EYS: variants seen among roughly 807,000 people sequenced by gnomAD.
The protein encoded by EYS is EGF-like photoreceptor maintenance factor.
A neutral mutation model predicts 282.1 loss-of-function variants in EYS; 250 were observed. The observed-to-expected ratio is 0.89, with a 90% CI of 0.80 to 0.98. EYS has a LOEUF of 0.98. Ranked by LOEUF, EYS falls within the 50% of genes least tolerant of loss-of-function variation. The pLI is 0.00. For missense variants in EYS, 4,016 were observed against 3,709.0 expected (o/e 1.08, Z -2.15); for synonymous variants, 1,355 against 1,282.9 (o/e 1.06, Z -1.20).
intron 35 of EYS, among the ~76,000 whole-genome samples, chr6:63,913,908 G>C (rs547442467): frequency 7.9e-5 from 12 of 152,204 alleles, no homozygotes; most frequent in African/African-American, 2.6e-4. Context: ...TTCCAACAGC[G>C]TATGCTTCTT....
At chr6:64,420,379 T>G (rs1774192422) in intron 28 of EYS, among the ~76,000 whole-genome samples, 1 of 152,208 alleles carries the variant, frequency 6.6e-6, no homozygotes, top group Non-Finnish European at 1.5e-5. Context: ...GTCTCTGACA[T>G]GCCCTGGAGA....
At chr6:64,336,416 G>A (rs1770852832) in intron 29 of EYS, among the ~76,000 whole-genome samples, 1 of 152,034 alleles carries the variant, frequency 6.6e-6, no homozygotes, top group African/African-American at 2.4e-5. Context: ...TGTCCAACAG[G>A]AAAATGTCAC....
chr6:65,381,292 A>G (rs1765600222), intron 8 of EYS, among the ~76,000 whole-genome samples: 1 of 152,148 alleles, frequency 6.6e-6, no homozygotes, highest in Non-Finnish European at 1.5e-5. Flanking sequence ...AATCATAAAA[A>G]AGAATGAGTT....
chr6:65,166,502 A>C (rs1161119942), intron 12 of EYS, among the ~76,000 whole-genome samples: 1 of 151,144 alleles, frequency 6.6e-6, no homozygotes, highest in African/African-American at 2.4e-5. Flanking sequence ...TTTTGGTATT[A>C]TTTTGTTTAT....
chr6:64,902,220 C>T lies in EYS; in HGVS notation c.2739G>A (p.Arg913=), dbSNP rs77020971. The stretch of plus-strand genomic sequence containing the variant: ...CAGAAAACCCAGGTCTGCAAATACA[C>T]CTTTTAAACAAAAAATTTAGTAACT... The part of the protein sequence containing the change: ...GDCEDMVNNF[R]CICRPGFSGS... The change falls in exon 18 of 43, where the codon AGG becomes AGA. Residue 913 remains arginine (R), a splice_region_variant and synonymous_variant. Coordinates refer to ENST00000503581, the MANE Select transcript of EYS (RefSeq NM_001142800.2). 6,281 of 1,545,122 alleles carry T rather than the reference C, an allele frequency of 4.1e-3. 231 individuals are homozygous for T. The African/African-American group carries it at 0.077, about 19-fold the overall frequency.
chr6:64,206,554 C>A (rs1052272562), intron 31 of EYS, among the ~76,000 whole-genome samples: 5 of 152,030 alleles, frequency 3.3e-5, no homozygotes, highest in Admixed American at 6.6e-5. Context: ...AATTGATTTT[C>A]TTGTCATGAA....
chr6:65,368,933 C>T (rs1023699022), intron 8 of EYS, among the ~76,000 whole-genome samples: 4 of 151,266 alleles, frequency 2.6e-5, no homozygotes, highest in Non-Finnish European at 5.9e-5. Context: ...GGATCATGAT[C>T]GTATGGTATT....
chr6:65,410,950 T>G (rs896866860), intron 5 of EYS, among the ~76,000 whole-genome samples: 1 of 152,042 alleles, frequency 6.6e-6, no homozygotes, highest in Non-Finnish European at 1.5e-5. Context: ...TTTTATATTT[T>G]CATTTTATTT....
intron 26 of EYS, among the ~76,000 whole-genome samples, chr6:64,560,244 T>G (rs1422077181): frequency 6.6e-6 from 1 of 151,902 alleles, no homozygotes; most frequent in South Asian, 2.1e-4. Flanking sequence ...CTAATCCTTA[T>G]GATGTGTAGA....
At chr6:65,329,579 T>C in intron 11 of EYS, 1 of 982,848 alleles carries the variant, frequency 1.0e-6, no homozygotes, top group Non-Finnish European at 1.2e-6. Context: ...TCTTTTTTGC[T>C]TTAAAGGTAA....
intron 26 of EYS, among the ~76,000 whole-genome samples, chr6:64,465,180 T>C (rs557543529): frequency 6.6e-6 from 1 of 152,210 alleles, no homozygotes; most frequent in South Asian, 2.1e-4. Flanking sequence ...TAAATGTTCA[T>C]ACTACCCAAA....
At chr6:64,673,508 A>G (rs181869336) in intron 22 of EYS, among the ~76,000 whole-genome samples, 1 of 152,264 alleles carries the variant, frequency 6.6e-6, no homozygotes, top group East Asian at 1.9e-4. Context: ...TACTGCTGCC[A>G]ACAGCCACAG....
intron 2 of EYS, among the ~76,000 whole-genome samples, chr6:65,544,349 C>T (rs1768304393): frequency 6.6e-6 from 1 of 152,096 alleles, no homozygotes; most frequent in African/African-American, 2.4e-5. Context: ...GTAACTTTGG[C>T]TAAAATTATT....
chr6:64,907,335 C>T (rs553437996), intron 16 of EYS, among the ~76,000 whole-genome samples: 30 of 152,258 alleles, frequency 2.0e-4, no homozygotes, highest in African/African-American at 7.2e-4. Context: ...CAAGTGTGAG[C>T]TATTGTGCCT....
rs1360179237 is a variant in EYS, at chr6:65,575,800, C to CGTTT, written c.-333+63977_-333+63978insAAAC. Among the ~76,000 whole-genome samples the CGTTT allele has an allele frequency of 1.6e-4, 25 of 152,018 alleles. No homozygotes were observed. In the South Asian group the frequency reaches 2.1e-3, roughly 13 times the overall value. Reference sequence around the variant, plus strand: ...CACAGAAATATAAAGGATCTTGAAACCACTTTAAACAATTATACACCAACA... The same window carrying CGTTT: ...CACAGAAATATAAAGGATCTTGAAACGTTTCACTTTAAACAATTATACACCAACA... On this transcript the variant is annotated intron_variant, in intron 2 of 42. Coordinates refer to ENST00000503581, the MANE Select transcript of EYS (RefSeq NM_001142800.2).
chr6:64,677,323 G>A (rs1769723939), intron 22 of EYS, among the ~76,000 whole-genome samples: 1 of 151,782 alleles, frequency 6.6e-6, no homozygotes, highest in Non-Finnish European at 1.5e-5. Flanking sequence ...GAGCTCTACT[G>A]GTTTTTTAAA....
rs1422021116 is a variant in EYS at position 65,001,669 on chromosome 6, GTA to G, written c.2138-3968_2138-3967del. On this transcript the variant is annotated intron_variant, in intron 13 of 42. Transcript: ENST00000503581. ...GGCATCTTGTACCTTCTTCTACCCA[GTA>G]TTTCCGTGTCTTCTGTCTGTATTAC... 1.4e-5 allele frequency among the ~76,000 whole-genome samples: 2 copies of G among 147,980 alleles called. 1 individual carries two copies. The highest frequency in any genetic ancestry group is 3.0e-5 in the Non-Finnish European group (2 of 66,080).
chr6:64,394,362 C>T (rs568399320), intron 28 of EYS, among the ~76,000 whole-genome samples: 4,728 of 152,018 alleles, frequency 0.031, 229 homozygotes, highest in African/African-American at 0.11. Context: ...GGAGGCATCA[C>T]GCTACCTGAC....
intron 22 of EYS, among the ~76,000 whole-genome samples, chr6:64,764,427 C>T (rs1449282259): frequency 6.6e-6 from 1 of 152,226 alleles, no homozygotes; most frequent in Non-Finnish European, 1.5e-5. Context: ...GTGGCTGAAG[C>T]TGAAGCAGCT....
Sources: allele counts gnomAD v4.1 joint callset (sites outside exome capture counted in the v4.1 genomes callset), GRCh38; gene constraint gnomAD v4.1.1; transcripts MANE v1.5; gene names NCBI Gene and HGNC (gene_info 2026-07-23, HGNC 2026-07-21).